Variants in EXOC4 observed in about 807,000 individuals in gnomAD.
EXOC4 encodes SEC8-like 1.
EXOC4 carries 71 observed loss-of-function variants against 107.2 expected under a neutral mutation model. The observed-to-expected ratio is 0.66, with a 90% confidence interval of 0.55 to 0.81. The LOEUF is 0.81. Ranked by LOEUF, EXOC4 falls within the 30% of genes least tolerant of loss-of-function variation. The pLI, the probability that EXOC4 is intolerant of heterozygous loss-of-function variation, is 0.00. For synonymous variants in EXOC4, 456 were observed against 441.2 expected (o/e 1.03, Z -0.42); for missense variants, 1,108 against 1,189.6 (o/e 0.93, Z 1.01).
At chr7:133,486,065 A>G (rs1456761526) in intron 9 of EXOC4, among the ~76,000 whole-genome samples, 2 of 152,076 alleles carry the variant, frequency 1.3e-5, no homozygotes, top group Non-Finnish European at 2.9e-5. Context: ...TATAGCCCTG[A>G]CATTAAAATG....
At chr7:133,770,092 A>G (rs1796215487) in intron 10 of EXOC4, among the ~76,000 whole-genome samples, 1 of 352 alleles carries the variant, frequency 2.8e-3, no homozygotes, top group Non-Finnish European at 0.01. Flanking sequence ...TTGATCCCCC[A>G]TAGCTATTTC....
At chr7:133,608,136 A>T (rs1284032686) in intron 9 of EXOC4, among the ~76,000 whole-genome samples, 2 of 152,152 alleles carry the variant, frequency 1.3e-5, no homozygotes, top group Non-Finnish European at 2.9e-5. Context: ...AGATTCTGGG[A>T]TATTGGTTTA....
chr7:133,373,728 A>G (rs1041933776), intron 6 of EXOC4, among the ~76,000 whole-genome samples: 11 of 152,226 alleles, frequency 7.2e-5, no homozygotes, highest in African/African-American at 1.9e-4. Context: ...CACAAAATAT[A>G]CAATAAAGCT....
chr7:133,363,379 CTAG>C (rs1422302770), intron 6 of EXOC4, among the ~76,000 whole-genome samples: 2 of 152,054 alleles, frequency 1.3e-5, no homozygotes, highest in Non-Finnish European at 2.9e-5. Flanking sequence ...TATATACTTT[CTAG>C]TAAGACTTAA....
At position 133,681,492 on chromosome 7, in the gene EXOC4, G is replaced by C. The variant is rs192754124; in HGVS notation, c.1514+51351G>C. Reference sequence around the variant, plus strand: ...TCACATAATAATTCGAATAAGTAGCGAAGCAAAGCAAATTCCTTAGTCACT... The same window carrying C: ...TCACATAATAATTCGAATAAGTAGCCAAGCAAAGCAAATTCCTTAGTCACT... On this transcript the variant is annotated intron_variant, in intron 10 of 17. Transcript: ENST00000253861. Among the ~76,000 whole-genome samples the C allele has an allele frequency of 3.0e-4, 46 of 152,234 alleles. No homozygotes were observed. The East Asian group carries it at 8.7e-3, about 29-fold the overall frequency.
At chr7:133,691,751 G>T (rs982037139) in intron 10 of EXOC4, among the ~76,000 whole-genome samples, 9 of 152,158 alleles carry the variant, frequency 5.9e-5, no homozygotes, top group African/African-American at 9.7e-5. Context: ...CTTTGAGAAG[G>T]TTCAGCCAAA....
chr7:133,342,697 C>T (rs1286812942), intron 5 of EXOC4, among the ~76,000 whole-genome samples: 1 of 106,682 alleles, frequency 9.4e-6, no homozygotes, highest in African/African-American at 3.6e-5. Context: ...TTCCAAATCT[C>T]TTGGAAGCTT....
At chr7:133,801,091 T>G (rs1796930915) in intron 10 of EXOC4, among the ~76,000 whole-genome samples, 1 of 152,182 alleles carries the variant, frequency 6.6e-6, no homozygotes, top group South Asian at 2.1e-4. Context: ...AAAAAAATTG[T>G]TAGTATCTCA....
intron 17 of EXOC4, among the ~76,000 whole-genome samples, chr7:134,025,393 T>C (rs945683176): frequency 3.0e-5 from 4 of 133,568 alleles, no homozygotes; most frequent in African/African-American, 1.1e-4. Flanking sequence ...GAAAAGTTAG[T>C]TATTGGATCT....
chr7:133,283,029 ATAT>A (rs1362761429), intron 2 of EXOC4, among the ~76,000 whole-genome samples: 5 of 152,206 alleles, frequency 3.3e-5, no homozygotes, highest in Admixed American at 3.3e-4. Context: ...GATAATGCCA[ATAT>A]TCATCTTTCT....
At chr7:133,725,337 G>C (rs1326763850) in intron 10 of EXOC4, among the ~76,000 whole-genome samples, 2 of 152,050 alleles carry the variant, frequency 1.3e-5, no homozygotes, top group East Asian at 1.9e-4. Context: ...TCTTATAAAG[G>C]GCTAGCTAGT....
intron 10 of EXOC4, among the ~76,000 whole-genome samples, chr7:133,641,706 T>C (rs1173722676): frequency 2.0e-5 from 3 of 152,210 alleles, no homozygotes; most frequent in Non-Finnish European, 4.4e-5. Context: ...GCATATTCTA[T>C]TTAGTTTTGC....
intron 11 of EXOC4, among the ~76,000 whole-genome samples, chr7:133,821,093 TAGA>T (rs1797510446): frequency 6.6e-6 from 1 of 152,174 alleles, no homozygotes; most frequent in Non-Finnish European, 1.5e-5. Context: ...GTGGTAATAA[TAGA>T]AGAAGTAAAA....
intron 10 of EXOC4, among the ~76,000 whole-genome samples, chr7:133,730,599 A>G (rs905835926): frequency 1.3e-5 from 2 of 152,054 alleles, no homozygotes; most frequent in African/African-American, 4.8e-5. Flanking sequence ...ATATGTTTAT[A>G]AAGTCATTAA....
At chr7:133,736,785 T>A (rs1289954764) in intron 10 of EXOC4, among the ~76,000 whole-genome samples, 1 of 152,168 alleles carries the variant, frequency 6.6e-6, no homozygotes, top group African/African-American at 2.4e-5. Flanking sequence ...AGAGTAATGA[T>A]CTTATTTCCT....
chr7:133,573,809 G>A lies in EXOC4; in HGVS notation c.1418-56236G>A, dbSNP rs529787528. On this transcript the variant is annotated intron_variant, in intron 9 of 17. Coordinates refer to ENST00000253861, the MANE Select transcript of EXOC4 (RefSeq NM_021807.4). The stretch of plus-strand genomic sequence containing the variant: ...GCTGGGATTAGAGGCATGAGCCATT[G>A]CACCTTGCCAAGCCAGGTCTTTAAC... Among the ~76,000 whole-genome samples, 340 of 152,232 alleles carry A rather than the reference G, an allele frequency of 2.2e-3. 2 individuals carry two copies. Among genetic ancestry groups the A allele is most frequent in the Non-Finnish European group, 3.5e-3 (235 of 68,010 alleles).
chr7:133,921,607 GA>G (rs1240690282), intron 13 of EXOC4, among the ~76,000 whole-genome samples: 1 of 151,762 alleles, frequency 6.6e-6, no homozygotes, highest in Admixed American at 6.6e-5. Context: ...TTTCTTTAAA[GA>G]TTTTTTTTGT....
At chr7:133,784,858 G>A (rs1796536902) in intron 10 of EXOC4, among the ~76,000 whole-genome samples, 1 of 152,156 alleles carries the variant, frequency 6.6e-6, no homozygotes, top group African/African-American at 2.4e-5. Context: ...AAAAAAAGAA[G>A]CCATTAAAAA....
chr7:133,533,426 A>G (rs1238846754), intron 9 of EXOC4, among the ~76,000 whole-genome samples: 12 of 152,140 alleles, frequency 7.9e-5, no homozygotes, highest in Admixed American at 4.6e-4. Context: ...CAAGTGACTC[A>G]TCGGTACAGG....
Sources: allele counts gnomAD v4.1 joint callset (sites outside exome capture counted in the v4.1 genomes callset), GRCh38; gene constraint gnomAD v4.1.1; transcripts MANE v1.5; gene names NCBI Gene and HGNC (gene_info 2026-07-23, HGNC 2026-07-21).